Variants in GPC5 observed in about 807,000 individuals in gnomAD.
The protein encoded by GPC5 is glypican 5.
Under a neutral mutation model 53.9 loss-of-function variants are expected in GPC5, and 47 were observed. The observed-to-expected ratio is 0.87, with a 90% CI of 0.69 to 1.11. GPC5 has a LOEUF of 1.11. Among genes scored for constraint, GPC5 ranks in the 50% most tolerant of loss-of-function variants. The pLI is 0.00. For synonymous variants in GPC5, 286 were observed against 263.3 expected (o/e 1.09, Z -0.84); for missense variants, 748 against 713.1 (o/e 1.05, Z -0.56).
chr13:91,429,958 T>C (rs1476144222), intron 1 of GPC5, among the ~76,000 whole-genome samples: 1 of 152,178 alleles, frequency 6.6e-6, no homozygotes, highest in Non-Finnish European at 1.5e-5. Flanking sequence ...CTGTGTTAGA[T>C]TATACACTCT....
At chr13:92,305,940 G>A (rs2043107948) in intron 7 of GPC5, among the ~76,000 whole-genome samples, 1 of 152,162 alleles carries the variant, frequency 6.6e-6, no homozygotes, top group East Asian at 1.9e-4. Flanking sequence ...CCCAAGAAAG[G>A]CAAAGTAAAG....
chr13:92,485,945 G>A (rs1004660530), intron 7 of GPC5, among the ~76,000 whole-genome samples: 6 of 152,176 alleles, frequency 3.9e-5, no homozygotes, highest in South Asian at 2.1e-4. Context: ...CAGCCTGGGC[G>A]ACAAGAGCAA....
Position 92,713,341 on chromosome 13 carries a change from C to T in GPC5, c.1562-152941C>T, listed in dbSNP as rs1594445761. 2.0e-5 allele frequency among the ~76,000 whole-genome samples: 3 copies of T among 151,720 alleles called. No individual in the cohort carries two copies. In the East Asian group the frequency reaches 5.8e-4, roughly 30 times the overall value. ...GGTGTGGTGGCTCACGCTTGTAATCCCAGCACTTTGGGAGGCTGAGGCGGG... is the reference window on the plus strand; with the variant it reads ...GGTGTGGTGGCTCACGCTTGTAATCTCAGCACTTTGGGAGGCTGAGGCGGG... On this transcript the variant is annotated intron_variant, in intron 7 of 7. Transcript: ENST00000377067.
intron 7 of GPC5, among the ~76,000 whole-genome samples, chr13:92,697,433 C>A (rs1460704253): frequency 6.6e-6 from 1 of 151,976 alleles, no homozygotes; most frequent in Non-Finnish European, 1.5e-5. Context: ...AAATTGTATT[C>A]CTAGGTATTT....
chr13:92,637,115 AATGTAGT>A (rs1289364032), intron 7 of GPC5, among the ~76,000 whole-genome samples: 3 of 152,160 alleles, frequency 2.0e-5, no homozygotes, highest in Non-Finnish European at 4.4e-5. Flanking sequence ...CTTAGTCTGG[AATGTAGT>A]ATCTCCTAAT....
chr13:92,069,550 T>C (rs2041194530), intron 6 of GPC5, among the ~76,000 whole-genome samples: 1 of 152,066 alleles, frequency 6.6e-6, no homozygotes, highest in South Asian at 2.1e-4. Flanking sequence ...TTATATTTCT[T>C]TCTTTTTAAT....
At chr13:92,320,906 A>G (rs7988570) in intron 7 of GPC5, among the ~76,000 whole-genome samples, 15,277 of 152,216 alleles carry the variant, frequency 0.1, 835 homozygotes, top group Middle Eastern at 0.15. Context: ...TATATAAACC[A>G]ACATTCTTCT....
At chr13:91,441,256 G>T (rs574020298) in intron 1 of GPC5, among the ~76,000 whole-genome samples, 3 of 152,104 alleles carry the variant, frequency 2.0e-5, no homozygotes, top group African/African-American at 7.2e-5. Context: ...TTGTTTTTTG[G>T]ACATGTAAGG....
intron 6 of GPC5, among the ~76,000 whole-genome samples, chr13:92,087,847 T>A (rs1477514540): frequency 2.0e-5 from 3 of 152,170 alleles, no homozygotes; most frequent in Non-Finnish European, 4.4e-5. Flanking sequence ...AATTTTAGAA[T>A]GTCATTCCAA....
intron 6 of GPC5, among the ~76,000 whole-genome samples, chr13:92,032,075 A>G (rs910434930): frequency 9.3e-5 from 13 of 139,688 alleles, no homozygotes; most frequent in Non-Finnish European, 1.7e-4. Flanking sequence ...TGTATATATA[A>G]TATATCTGAT....
chr13:92,423,201 A>G (rs1876660189), intron 7 of GPC5, among the ~76,000 whole-genome samples: 1 of 152,168 alleles, frequency 6.6e-6, no homozygotes. Flanking sequence ...CAAAGGCCCT[A>G]CCTCCAAATG....
At chr13:91,759,544 G>C (rs1429531287) in intron 5 of GPC5, among the ~76,000 whole-genome samples, 1 of 151,806 alleles carries the variant, frequency 6.6e-6, no homozygotes, top group African/African-American at 2.4e-5. Context: ...CCCAGCCTCT[G>C]GTAACCATCC....
intron 5 of GPC5, among the ~76,000 whole-genome samples, chr13:91,857,364 A>G (rs1363470184): frequency 6.6e-6 from 1 of 151,520 alleles, no homozygotes; most frequent in East Asian, 1.9e-4. Context: ...ATTTATGAAC[A>G]TGGATTTAGA....
chr13:92,417,846 G>A (rs969697731), intron 7 of GPC5, among the ~76,000 whole-genome samples: 1 of 152,132 alleles, frequency 6.6e-6, no homozygotes, highest in African/African-American at 2.4e-5. Flanking sequence ...AGCTGAAATT[G>A]CACCACTGCA....
intron 7 of GPC5, among the ~76,000 whole-genome samples, chr13:92,790,583 A>T: frequency 6.6e-6 from 1 of 152,176 alleles, no homozygotes; most frequent in South Asian, 2.1e-4. Flanking sequence ...TTCAAAGGAC[A>T]TACCTCTCTA....
chr13:92,370,473 T>C (rs1000941242), intron 7 of GPC5, among the ~76,000 whole-genome samples: 4 of 151,966 alleles, frequency 2.6e-5, no homozygotes, highest in Non-Finnish European at 5.9e-5. Context: ...TACTTAATTT[T>C]CTCTAAAACC....
chr13:91,803,322 G>A (rs2038165523), intron 5 of GPC5, among the ~76,000 whole-genome samples: 2 of 152,096 alleles, frequency 1.3e-5, no homozygotes, highest in African/African-American at 4.8e-5. Flanking sequence ...TCATTTTGGA[G>A]ATCATCTTTG....
chr13:92,755,957 G>C (rs1256533845), intron 7 of GPC5, among the ~76,000 whole-genome samples: 6 of 151,354 alleles, frequency 4.0e-5, no homozygotes, highest in Non-Finnish European at 4.4e-5. Context: ...AGGAAAAGAG[G>C]GAATCCTCCC....
chr13:91,896,371 C>T (rs563994471), intron 5 of GPC5, among the ~76,000 whole-genome samples: 27 of 152,122 alleles, frequency 1.8e-4, no homozygotes, highest in African/African-American at 4.6e-4. Flanking sequence ...CAGCCACCTC[C>T]GCCTCCCAAA....
Sources: gnomAD v4.1 joint callset for allele counts (sites outside exome capture counted in the v4.1 genomes callset) on GRCh38, gnomAD v4.1.1 for gene constraint, MANE v1.5 for transcripts, NCBI Gene and HGNC (gene_info 2026-07-23, HGNC 2026-07-21) for gene names.